Variants in FNBP1L observed in about 807,000 individuals in gnomAD.
FNBP1L encodes the protein formin-binding protein 1-like.
FNBP1L carries 36 observed loss-of-function variants against 91.2 expected under a neutral mutation model. That is an observed-to-expected ratio of 0.39 (90% CI 0.30 to 0.52). FNBP1L has a LOEUF of 0.52. Among genes scored for constraint, FNBP1L ranks in the 20% least tolerant of loss-of-function variants. The pLI is 0.66. For synonymous variants in FNBP1L, 242 were observed against 237.0 expected (o/e 1.02, Z -0.19); for missense variants, 571 against 732.1 (o/e 0.78, Z 2.54).
intron 1 of FNBP1L, among the ~76,000 whole-genome samples, chr1:93,460,701 T>TCTCA (rs1238969817): frequency 6.6e-6 from 1 of 152,162 alleles, no homozygotes; most frequent in African/African-American, 2.4e-5. Flanking sequence ...TATCACATAA[T>TCTCA]CTCACTTACA....
intron 2 of FNBP1L, among the ~76,000 whole-genome samples, chr1:93,501,339 A>G (rs1482256849): frequency 1.3e-5 from 2 of 152,178 alleles, no homozygotes; most frequent in Non-Finnish European, 2.9e-5. Flanking sequence ...TATAAAGAAA[A>G]AAGGTTTATT....
intron 8 of FNBP1L, 86 bp from the exon 9 acceptor site, chr1:93,534,619 G>GT (rs1255608980): frequency 1.5e-5 from 12 of 798,202 alleles, no homozygotes; most frequent in South Asian, 2.4e-5. Context: ...TATATTTGTT[G>GT]TTTTTTTGTA....
chr1:93,524,193 AATT>A (rs1671424410), intron 4 of FNBP1L, 65 bp from the exon 5 acceptor site: 1 of 1,283,750 alleles, frequency 7.8e-7, no homozygotes, highest in East Asian at 2.8e-5. Flanking sequence ...GTTTAAATGT[AATT>A]ATTTTTATTT....
At chr1:93,484,919 A>G (rs1162498693) in intron 1 of FNBP1L, among the ~76,000 whole-genome samples, 1 of 152,150 alleles carries the variant, frequency 6.6e-6, no homozygotes, top group Admixed American at 6.5e-5. Context: ...TTGGGAGGCC[A>G]AGGTGGGAGG....
intron 1 of FNBP1L, among the ~76,000 whole-genome samples, chr1:93,464,518 T>A (rs945036029): frequency 6.6e-6 from 1 of 152,216 alleles, no homozygotes; most frequent in Non-Finnish European, 1.5e-5. Flanking sequence ...TCTACTGTGT[T>A]CTGTTTTCTT....
At chr1:93,491,813 A>G (rs1212373481) in intron 1 of FNBP1L, among the ~76,000 whole-genome samples, 2 of 152,156 alleles carry the variant, frequency 1.3e-5, no homozygotes, top group Admixed American at 6.5e-5. Flanking sequence ...TATGTTTTCT[A>G]CTTGTACAGT....
chr1:93,509,894 C>CT (rs1396691980), intron 2 of FNBP1L, among the ~76,000 whole-genome samples: 2 of 152,218 alleles, frequency 1.3e-5, no homozygotes, highest in African/African-American at 4.8e-5. Flanking sequence ...GAATACTGCG[C>CT]TTTTCCGACA....
intron 2 of FNBP1L, among the ~76,000 whole-genome samples, chr1:93,508,607 C>A (rs1670712388): frequency 6.6e-6 from 1 of 151,962 alleles, no homozygotes; most frequent in African/African-American, 2.4e-5. Flanking sequence ...TTAGGACTAC[C>A]CTGCATGTTC....
rs553911728 is a variant in FNBP1L, at chr1:93,460,619, T to C, written c.24+12314T>C. On this transcript the variant is annotated intron_variant, in intron 1 of 16. Transcript: ENST00000271234. ...GTCACAGAAAAAAAAGGAAATCCGG[T>C]CATTTACGATAACATGGATGAACCT... is the stretch of plus-strand genomic sequence containing the variant. Among the ~76,000 whole-genome samples, 71 of 152,218 alleles carry C rather than the reference T, an allele frequency of 4.7e-4. 1 individual carries two copies. The highest frequency in any genetic ancestry group is 4.3e-4 in the Non-Finnish European group (29 of 68,048).
Position 93,546,909 on chromosome 1 carries a change from C to T in FNBP1L, c.1342C>T (p.Gln448Ter). ...ACAAATGGGGGATCCAGGGAGTTTG[C>T]AGCCTAAATTAGCAGAGACCATGAA... ...NPQMGDPGSL[Q>*]PKLAETMNNI... The change falls in exon 13 of 17, where the codon CAG becomes TAG. Residue 448 changes from glutamine (Q) to a stop codon, truncating the protein, a stop_gained. Transcript: ENST00000271234. LOFTEE classifies it high-confidence loss of function. The T allele has an allele frequency of 6.2e-7, 1 of 1,612,694 alleles. No homozygotes were observed. The highest frequency in any genetic ancestry group is 8.5e-7 in the Non-Finnish European group (1 of 1,179,314).
At chr1:93,494,759 A>G (rs1670208307) in intron 1 of FNBP1L, among the ~76,000 whole-genome samples, 1 of 152,238 alleles carries the variant, frequency 6.6e-6, no homozygotes, top group South Asian at 2.1e-4. Context: ...TAATTTATAA[A>G]GGAAAGAGGT....
intron 13 of FNBP1L, 120 bp from the exon 14 acceptor site, chr1:93,547,227 G>A (rs1570876848): frequency 3.2e-6 from 3 of 942,966 alleles, no homozygotes; most frequent in Admixed American, 2.7e-5. Context: ...TGGAATAAAG[G>A]TTTCACATCT....
chr1:93,448,824 C>G (rs114845539), intron 1 of FNBP1L, among the ~76,000 whole-genome samples: 10,903 of 152,222 alleles, frequency 0.072, 453 homozygotes, highest in Middle Eastern at 0.11. Flanking sequence ...CCAGAGCCCT[C>G]GCCCCAGGTA....
At chr1:93,466,713 G>A (rs1185548515) in intron 1 of FNBP1L, among the ~76,000 whole-genome samples, 2 of 152,092 alleles carry the variant, frequency 1.3e-5, no homozygotes, top group Non-Finnish European at 2.9e-5. Flanking sequence ...TATGAACTTT[G>A]AAGTAGTTTT....
intron 1 of FNBP1L, among the ~76,000 whole-genome samples, chr1:93,464,855 G>T (rs1218096084): frequency 6.6e-6 from 1 of 152,098 alleles, no homozygotes; most frequent in East Asian, 1.9e-4. Flanking sequence ...AACCATTGAG[G>T]CTTGAGTATA....
At position 93,448,136 on chromosome 1, in the gene FNBP1L, C is replaced by T. The variant is rs1395660297; in HGVS notation, c.-146C>T. 2.0e-6 allele frequency: 2 copies of T among 1,019,534 alleles called. No individual in the cohort carries two copies. The highest frequency in any genetic ancestry group is 2.8e-6 in the Non-Finnish European group (2 of 710,376). The allele number at this position is 1,019,534 out of a possible 1,614,324, so 63.2% of individuals were successfully genotyped here. A position where few individuals can be genotyped will look rare whatever the true frequency, so the allele number is the denominator to read the frequency against. ...CTTCTCCAGTCGCGTCTTTCTCACTCACTGGGGAGCCCGGCGGTGGCGGCA... is the reference window on the plus strand; with the variant it reads ...CTTCTCCAGTCGCGTCTTTCTCACTTACTGGGGAGCCCGGCGGTGGCGGCA... On this transcript the variant is annotated 5_prime_UTR_variant, in exon 1 of 17. Transcript: ENST00000271234.
intron 2 of FNBP1L, among the ~76,000 whole-genome samples, chr1:93,510,234 G>A (rs1168082841): frequency 1.3e-5 from 2 of 152,160 alleles, no homozygotes; most frequent in African/African-American, 2.4e-5. Context: ...GAGAACAGTG[G>A]TTCTCCCAGC....
chr1:93,552,254 T>C, intron 16 of FNBP1L, 155 bp from the exon 17 acceptor site: 2 of 1,426,108 alleles, frequency 1.4e-6, no homozygotes, highest in Non-Finnish European at 1.8e-6. Context: ...GATTGGTTTT[T>C]AATTTTGCCC....
At chr1:93,538,476 GA>G (rs1453016544) in intron 10 of FNBP1L, among the ~76,000 whole-genome samples, 2 of 152,188 alleles carry the variant, frequency 1.3e-5, no homozygotes, top group East Asian at 3.9e-4. Flanking sequence ...GTGTGAAAGA[GA>G]AAATATGACA....
Sources: allele counts gnomAD v4.1 joint callset (sites outside exome capture counted in the v4.1 genomes callset), GRCh38; gene constraint gnomAD v4.1.1; transcripts MANE v1.5; gene names NCBI Gene and HGNC (gene_info 2026-07-23, HGNC 2026-07-21).